CSMD1: variants seen among roughly 807,000 people sequenced by gnomAD.
CSMD1 encodes CUB and sushi domain-containing protein 1.
In CSMD1, 213 loss-of-function variants were observed where a neutral mutation model predicts 417.5. That is an observed-to-expected ratio of 0.51 (90% CI 0.46 to 0.57). The LOEUF is 0.57. CSMD1 is among the 20% of genes least tolerant of loss of function. The pLI is 0.00. For synonymous variants in CSMD1, 2,862 were observed against 1,736.8 expected (o/e 1.65, Z -16.11); for missense variants, 6,923 against 4,529.7 (o/e 1.53, Z -15.17).
chr8:2,936,949 CTAA>C lies in CSMD1; in HGVS notation c.*1633_*1635del, dbSNP rs1489490644. 2.4e-4 allele frequency: 36 copies of C among 152,244 alleles called. 1 individual carries two copies. Among genetic ancestry groups the C allele is most frequent in the African/African-American group, 8.4e-4 (35 of 41,522 alleles). The allele number at this position is 152,244 out of a possible 1,614,324, so 9.4% of individuals were successfully genotyped here. The stretch of plus-strand genomic sequence containing the variant: ...TGACATTTCTATTACCAACGCCAAT[CTAA>C]AATGTGAAACAGAGAAAATCTGCCA... On this transcript the variant is annotated 3_prime_UTR_variant, in exon 70 of 70. Transcript: ENST00000635120.
intron 40 of CSMD1, among the ~76,000 whole-genome samples, chr8:3,145,801 C>A (rs749482641): frequency 4.7e-4 from 71 of 152,244 alleles, no homozygotes; most frequent in Non-Finnish European, 9.3e-4. Context: ...ATTTCAATAA[C>A]AATAAAAAAT....
chr8:4,089,138 C>G (rs1307531246), intron 3 of CSMD1, among the ~76,000 whole-genome samples: 1 of 152,188 alleles, frequency 6.6e-6, no homozygotes, highest in Non-Finnish European at 1.5e-5. Flanking sequence ...CAGTGCTTAA[C>G]AAAACATTGC....
chr8:3,349,084 T>C (rs796640286), intron 21 of CSMD1, among the ~76,000 whole-genome samples: 18 of 152,344 alleles, frequency 1.2e-4, no homozygotes, highest in African/African-American at 4.1e-4. Flanking sequence ...AGCACACCGA[T>C]GTAAACATCC....
chr8:3,142,315 T>C, intron 41 of CSMD1, 150 bp downstream of exon 41: 1 of 718,536 alleles, frequency 1.4e-6, no homozygotes, highest in Non-Finnish European at 2.3e-6. Context: ...ACAACAAGTG[T>C]TCCACTACTA....
intron 36 of CSMD1, among the ~76,000 whole-genome samples, chr8:3,184,352 G>A (rs1461550025): frequency 2.0e-5 from 3 of 152,028 alleles, no homozygotes; most frequent in Non-Finnish European, 2.9e-5. Flanking sequence ...CTCTGACTTC[G>A]TGCAAAGCAG....
At chr8:4,247,481 A>G (rs1297256637) in intron 3 of CSMD1, among the ~76,000 whole-genome samples, 2 of 152,140 alleles carry the variant, frequency 1.3e-5, no homozygotes, top group East Asian at 1.9e-4. Context: ...CTCAATATTT[A>G]TGCAGGCTCA....
intron 34 of CSMD1, 137 bp downstream of exon 34, chr8:3,189,775 A>T: frequency 1.4e-6 from 1 of 692,386 alleles, no homozygotes; most frequent in Non-Finnish European, 2.4e-6. Flanking sequence ...TAACTCAATT[A>T]CTTCCCATGA....
intron 7 of CSMD1, among the ~76,000 whole-genome samples, chr8:3,670,489 G>GTA (rs756258873): frequency 0.16 from 22,717 of 142,624 alleles, 1,967 homozygotes; most frequent in South Asian, 0.21. Context: ...TATATATCCC[G>GTA]TATATATATC....
intron 47 of CSMD1, among the ~76,000 whole-genome samples, chr8:3,094,561 TC>T (rs1815168266): frequency 6.6e-6 from 1 of 152,140 alleles, no homozygotes; most frequent in Non-Finnish European, 1.5e-5. Context: ...AAGGAAGGTA[TC>T]CATTTCTGTT....
chr8:4,176,200 G>A (rs896877906), intron 3 of CSMD1, among the ~76,000 whole-genome samples: 2 of 152,010 alleles, frequency 1.3e-5, no homozygotes, highest in African/African-American at 2.4e-5. Context: ...CATCCACCCT[G>A]TTGGATGTGG....
intron 39 of CSMD1, among the ~76,000 whole-genome samples, chr8:3,154,503 A>C (rs1035615396): frequency 6.6e-6 from 1 of 152,274 alleles, no homozygotes; most frequent in Non-Finnish European, 1.5e-5. Flanking sequence ...CTTATATTTT[A>C]CTGGATTTAT....
chr8:3,791,709 G>T (rs1799750186), intron 5 of CSMD1, among the ~76,000 whole-genome samples: 1 of 152,154 alleles, frequency 6.6e-6, no homozygotes, highest in Admixed American at 6.5e-5. Context: ...TGTAATCCCA[G>T]CAACTCAGGA....
chr8:3,641,697 C>A (rs1237378822), intron 7 of CSMD1, among the ~76,000 whole-genome samples: 1 of 152,168 alleles, frequency 6.6e-6, no homozygotes, highest in Non-Finnish European at 1.5e-5. Flanking sequence ...GGGCCAGGAG[C>A]TCAGAACAGG....
intron 7 of CSMD1, among the ~76,000 whole-genome samples, chr8:3,669,724 C>T (rs558913900): frequency 3.3e-5 from 5 of 152,042 alleles, no homozygotes; most frequent in Non-Finnish European, 7.4e-5. Context: ...AAGAGGAAGG[C>T]CAGGAGGACA....
intron 11 of CSMD1, among the ~76,000 whole-genome samples, chr8:3,490,790 G>A (rs576094996): frequency 2.0e-5 from 3 of 152,194 alleles, no homozygotes; most frequent in South Asian, 2.1e-4. Context: ...CAGTGTGTGC[G>A]ACGATCGCCT....
At chr8:3,700,263 C>A (rs922235791) in intron 7 of CSMD1, among the ~76,000 whole-genome samples, 4 of 151,984 alleles carry the variant, frequency 2.6e-5, no homozygotes, top group Non-Finnish European at 5.9e-5. Flanking sequence ...GGAAAAAATA[C>A]GAAAAATAAT....
intron 5 of CSMD1, among the ~76,000 whole-genome samples, chr8:3,897,739 G>A (rs958366437): frequency 3.3e-5 from 5 of 152,070 alleles, no homozygotes; most frequent in African/African-American, 1.2e-4. Flanking sequence ...TACTGCAAAA[G>A]CCTCCTCCAT....
chr8:4,616,686 A>G (rs1801492523), intron 2 of CSMD1, among the ~76,000 whole-genome samples: 1 of 152,202 alleles, frequency 6.6e-6, no homozygotes, highest in Admixed American at 6.5e-5. Context: ...TGACTTTAAA[A>G]GCATCTTGAC....
chr8:3,038,077 G>A (rs1448067585), intron 50 of CSMD1, among the ~76,000 whole-genome samples: 1 of 151,936 alleles, frequency 6.6e-6, no homozygotes, highest in Non-Finnish European at 1.5e-5. Flanking sequence ...ATATATTTGA[G>A]CAGACTTAGA....
Sources: allele counts gnomAD v4.1 joint callset (sites outside exome capture counted in the v4.1 genomes callset), GRCh38; gene constraint gnomAD v4.1.1; transcripts MANE v1.5; gene names NCBI Gene and HGNC (gene_info 2026-07-23, HGNC 2026-07-21).